LMBR1: variants seen among roughly 807,000 people sequenced by gnomAD.
LMBR1 encodes limb development membrane protein 1, also known as limb region 1 protein homolog.
In LMBR1, 52 loss-of-function variants were observed where a neutral mutation model predicts 73.9. The observed-to-expected ratio is 0.70, with a 90% CI of 0.56 to 0.89. The LOEUF (loss-of-function observed/expected upper bound fraction) is 0.89, where lower values mean the gene tolerates loss of function less well. LMBR1 is among the 40% of genes least tolerant of loss of function. LMBR1 has a pLI of 0.00. For synonymous variants in LMBR1, 215 were observed against 209.4 expected, an observed-to-expected ratio of 1.03 and a Z score of -0.23; for missense variants, 539 against 579.8, an observed-to-expected ratio of 0.93 and a Z score of 0.72.
chr7:156,755,538 T>G (rs1032289182), intron 9 of LMBR1, among the ~76,000 whole-genome samples: 1 of 152,224 alleles, frequency 6.6e-6, no homozygotes, highest in Non-Finnish European at 1.5e-5. Context: ...TATTGCACAG[T>G]AGCATGATTA....
chr7:156,832,280 T>G (rs1183497837), intron 3 of LMBR1, among the ~76,000 whole-genome samples: 1 of 152,210 alleles, frequency 6.6e-6, no homozygotes, highest in African/African-American at 2.4e-5. Flanking sequence ...CAGAGTCAAG[T>G]CATTTATTAG....
downstream of LMBR1, among the ~76,000 whole-genome samples, chr7:156,677,454 G>A (rs1178357056): frequency 1.3e-5 from 2 of 152,114 alleles, no homozygotes; most frequent in African/African-American, 4.8e-5. Flanking sequence ...CTTTGCCCCC[G>A]AGTCCCCAGT....
rs1408057274 is a variant in LMBR1, at chr7:156,837,961, A to G, written c.67-1076T>C. Among the ~76,000 whole-genome samples, 4 of 151,976 alleles carry G rather than the reference A, an allele frequency of 2.6e-5. No individual in the cohort carries two copies. The East Asian group carries it at 7.7e-4, about 29-fold the overall frequency. ...AACACCATGCCTGGCTAATTCTTGT[A>G]TTTTTTGGCAAAGATGGGGTTTTAC... On this transcript the variant is annotated intron_variant, in intron 1 of 16. Transcript: ENST00000353442.
chr7:156,870,494 A>G (rs10949604), intron 1 of LMBR1, among the ~76,000 whole-genome samples: 15,171 of 152,268 alleles, frequency 0.1, 857 homozygotes, highest in African/African-American at 0.13. Context: ...TGCCGGGCGC[A>G]GTGGCTCACG....
intron 1 of LMBR1, among the ~76,000 whole-genome samples, chr7:156,862,220 T>G (rs553644799): frequency 6.6e-6 from 1 of 152,224 alleles, no homozygotes; most frequent in Non-Finnish European, 1.5e-5. Flanking sequence ...ACATCTTACA[T>G]GGATGGCAGC....
intron 15 of LMBR1, among the ~76,000 whole-genome samples, chr7:156,707,617 C>A (rs566519293): frequency 3.3e-5 from 5 of 152,256 alleles, no homozygotes; most frequent in African/African-American, 9.6e-5. Flanking sequence ...AGGGCAAAAA[C>A]CACATGATCA....
At chr7:156,673,641 A>G (rs558675097), downstream of LMBR1, among the ~76,000 whole-genome samples, 2 of 152,244 alleles carry the variant, frequency 1.3e-5, no homozygotes, top group South Asian at 4.2e-4. Context: ...CCTTCATTCA[A>G]ACCCCAACCC....
At chr7:156,855,098 A>G (rs949354869) in intron 1 of LMBR1, among the ~76,000 whole-genome samples, 8 of 152,224 alleles carry the variant, frequency 5.3e-5, no homozygotes, top group African/African-American at 1.9e-4. Context: ...CCAGACTCAC[A>G]TATGACAGAG....
At chr7:156,853,155 G>A (rs985492465) in intron 1 of LMBR1, among the ~76,000 whole-genome samples, 1 of 151,630 alleles carries the variant, frequency 6.6e-6, no homozygotes, top group Non-Finnish European at 1.5e-5. Context: ...AGCCAGGATG[G>A]TCTCGATCTC....
Position 156,864,073 on chromosome 7 carries a change from G to C in LMBR1, c.67-27188C>G, listed in dbSNP as rs542971063. Among the ~76,000 whole-genome samples, 129 of 152,218 alleles carry C rather than the reference G, an allele frequency of 8.5e-4. 1 individual carries two copies. Among genetic ancestry groups the C allele is most frequent in the Admixed American group, 4.0e-3 (61 of 15,286 alleles). Reference sequence around the variant, plus strand: ...GGAGGCTGAGGCATGAGAATCACTTGAACCTGGGAAGTGGAGGTTGCAGTG... The same window carrying C: ...GGAGGCTGAGGCATGAGAATCACTTCAACCTGGGAAGTGGAGGTTGCAGTG... On this transcript the variant is annotated intron_variant, in intron 1 of 16. Transcript: ENST00000353442.
chr7:156,811,632 A>G (rs1833119089), intron 4 of LMBR1, among the ~76,000 whole-genome samples: 1 of 152,050 alleles, frequency 6.6e-6, no homozygotes, highest in Non-Finnish European at 1.5e-5. Context: ...AATTGTTTTC[A>G]TGTATTTGTC....
At chr7:156,871,434 C>G (rs1330273135) in intron 1 of LMBR1, among the ~76,000 whole-genome samples, 1 of 152,176 alleles carries the variant, frequency 6.6e-6, no homozygotes, top group Non-Finnish European at 1.5e-5. Flanking sequence ...CACTTTCAAA[C>G]ACATTTTACA....
At chr7:156,811,124 GTT>G (rs998749942) in intron 4 of LMBR1, among the ~76,000 whole-genome samples, 2 of 151,976 alleles carry the variant, frequency 1.3e-5, no homozygotes, top group African/African-American at 4.8e-5. Flanking sequence ...CTTTTGAATA[GTT>G]TTCTATTGCT....
At chr7:156,775,621 T>G (rs1825989784) in intron 5 of LMBR1, among the ~76,000 whole-genome samples, 1 of 152,226 alleles carries the variant, frequency 6.6e-6, no homozygotes, top group Non-Finnish European at 1.5e-5. Flanking sequence ...TATGTGAACA[T>G]GGATAATTAA....
chr7:156,812,029 G>T (rs969910145), intron 4 of LMBR1, among the ~76,000 whole-genome samples: 17 of 152,022 alleles, frequency 1.1e-4, no homozygotes, highest in African/African-American at 4.1e-4. Flanking sequence ...GTTTTTAGGG[G>T]GATACCAGTC....
downstream of LMBR1, among the ~76,000 whole-genome samples, chr7:156,673,916 A>AG (rs1470653928): frequency 1.8e-3 from 236 of 127,970 alleles, no homozygotes; most frequent in African/African-American, 6.8e-3. Context: ...TAAAAAAAAA[A>AG]AAAAAAGAAA....
intron 3 of LMBR1, among the ~76,000 whole-genome samples, chr7:156,827,012 T>C (rs1192201208): frequency 1.3e-5 from 2 of 152,184 alleles, no homozygotes; most frequent in African/African-American, 4.8e-5. Flanking sequence ...GACACAGTAC[T>C]TCACATATTT....
At chr7:156,720,677 TTAATAA>T (rs34511904) in intron 15 of LMBR1, among the ~76,000 whole-genome samples, 8 of 151,496 alleles carry the variant, frequency 5.3e-5, no homozygotes, top group Non-Finnish European at 8.8e-5. Flanking sequence ...AATAATAAAG[TTAATAA>T]TAATAAGTCA....
intron 1 of LMBR1, among the ~76,000 whole-genome samples, chr7:156,844,039 T>C (rs972853077): frequency 6.6e-6 from 1 of 151,978 alleles, no homozygotes; most frequent in African/African-American, 2.4e-5. Flanking sequence ...AGTCATACAT[T>C]AGGGCCAGGC....
Sources: gnomAD v4.1 joint callset for allele counts (sites outside exome capture counted in the v4.1 genomes callset) on GRCh38, gnomAD v4.1.1 for gene constraint, MANE v1.5 for transcripts, NCBI Gene and HGNC (gene_info 2026-07-23, HGNC 2026-07-21) for gene names.